Variants in KHNYN observed in about 807,000 individuals in gnomAD.
KHNYN encodes the protein KH and NYN domain containing, also known as protein KHNYN.
KHNYN carries 42 observed loss-of-function variants against 62.7 expected under a neutral mutation model. The ratio of observed to expected loss-of-function variants is 0.67; its 90% CI spans 0.52 to 0.87. The LOEUF is 0.87. Among genes scored for constraint, KHNYN ranks in the 40% least tolerant of loss-of-function variants. The pLI, the probability that KHNYN is intolerant of heterozygous loss-of-function variation, is 0.00. For missense variants in KHNYN, 829 were observed against 874.1 expected, an observed-to-expected ratio of 0.95 and a Z score of 0.65; for synonymous variants, 347 against 345.6, an observed-to-expected ratio of 1.00 and a Z score of -0.04.
chr14:24,428,709 C>CT, upstream of KHNYN: 2 of 1,524,656 alleles, frequency 1.3e-6, no homozygotes, highest in Non-Finnish European at 1.8e-6. Flanking sequence ...CTTCCAGGTC[C>CT]TTGCAGGGTC....
upstream of KHNYN, chr14:24,428,806 C>T (rs1221728773): frequency 1.2e-6 from 2 of 1,610,960 alleles, no homozygotes; most frequent in Non-Finnish European, 1.7e-6. Flanking sequence ...CCCCTGCTGG[C>T]TCATGGTGGT....
Position 24,438,161 on chromosome 14 carries a change from A to G in KHNYN, c.*876A>G, listed in dbSNP as rs978949575. ...CAGTAGGTAAATTAGGGATGACTGC[A>G]TTATCAAAATACTCTCAGGGTTCCT... On this transcript the variant is annotated 3_prime_UTR_variant, in exon 8 of 8. Coordinates refer to ENST00000553935, the MANE Select transcript of KHNYN (RefSeq NM_015299.3). 5 of 152,664 alleles carry G rather than the reference A, an allele frequency of 3.3e-5. No individual in the cohort carries two copies. Among genetic ancestry groups the G allele is most frequent in the Non-Finnish European group, 1.5e-5 (1 of 68,050 alleles). The allele number at this position is 152,664 out of a possible 1,614,324, so 9.5% of individuals were successfully genotyped here. A position where few individuals can be genotyped will look rare whatever the true frequency, so the allele number is the denominator to read the frequency against.
chr14:24,436,174 A>C lies in KHNYN; in HGVS notation c.1680A>C (p.Arg560Ser). 6.2e-7 allele frequency: 1 copy of C among 1,612,868 alleles called. No individual in the cohort carries two copies. The highest frequency in any genetic ancestry group is 8.5e-7 in the Non-Finnish European group (1 of 1,178,910). The change falls in exon 6 of 8, where the codon AGA becomes AGC. Residue 560 changes from arginine to serine, a missense_variant. By Grantham distance (110) the Arg-to-Ser change is moderately radical. Around this residue, in one of 2 missense-constraint regions of KHNYN, gnomAD observed 270 missense variants for 347.1 expected, o/e 0.78. Coordinates refer to ENST00000553935, the MANE Select transcript of KHNYN (RefSeq NM_015299.3). The stretch of plus-strand genomic sequence containing the variant: ...CTGAGAAGTGGATGGCAATCATCAG[A>C]GAACGGTGAGGGAGCCCTCCCGCTG... Reference protein sequence around the residue: ...EESEKWMAIIRERLLPFTFVG... With the variant: ...EESEKWMAIISERLLPFTFVG...
chr14:24,436,708 G>A (rs1289988548), intron 7 of KHNYN, among the ~76,000 whole-genome samples: 1 of 152,182 alleles, frequency 6.6e-6, no homozygotes, highest in Non-Finnish European at 1.5e-5. Context: ...CTCTTAATCA[G>A]CATGTTTGAT....
rs1220286354 is a variant in KHNYN at position 24,431,997 on chromosome 14, A to C, written c.736A>C (p.Arg246=). The C allele has an allele frequency of 6.2e-7, 1 of 1,610,936 alleles. No individual in the cohort carries two copies. Among genetic ancestry groups the C allele is most frequent in the East Asian group, 2.2e-5 (1 of 44,836 alleles). The change falls in exon 3 of 8, where the codon AGG becomes CGG. Residue 246 remains arginine, a synonymous_variant. Coordinates refer to ENST00000553935, the MANE Select transcript of KHNYN (RefSeq NM_015299.3). ...DTGSMGPGDC[R]GARGDTYAVE... The stretch of plus-strand genomic sequence containing the variant: ...TGGATCTATGGGACCCGGAGATTGC[A>C]GGGGAGCAAGGGGAGACACTTACGC...
At chr14:24,430,971 A>T in intron 2 of KHNYN, 40 bp downstream of exon 2, 1 of 1,573,288 alleles carries the variant, frequency 6.4e-7, no homozygotes, top group Non-Finnish European at 8.7e-7. Context: ...GGCACCAAGG[A>T]CGCTTTCCCC....
rs1487399565 is a variant in KHNYN, at chr14:24,441,740, A to G, written c.*4455A>G. The G allele has an allele frequency of 1.2e-6, 2 of 1,602,364 alleles. No homozygotes were observed. Among genetic ancestry groups the G allele is most frequent in the Non-Finnish European group, 1.7e-6 (2 of 1,176,716 alleles). On this transcript the variant is annotated 3_prime_UTR_variant, in exon 8 of 8. Coordinates refer to ENST00000553935, the MANE Select transcript of KHNYN (RefSeq NM_015299.3). ...GCTTTGGTGATGGCTTTAGCCAGCAATTGGGTGGTCTCTAGGCGGCTGCCG... is the reference window on the plus strand; with the variant it reads ...GCTTTGGTGATGGCTTTAGCCAGCAGTTGGGTGGTCTCTAGGCGGCTGCCG...
At chr14:24,428,824 G>A, upstream of KHNYN, 1 of 1,612,836 alleles carries the variant, frequency 6.2e-7, no homozygotes, top group Non-Finnish European at 8.5e-7. Flanking sequence ...GGTGGCTTCG[G>A]ACCGCAGCAA....
chr14:24,427,472 C>A, upstream of KHNYN: 1 of 318,966 alleles, frequency 3.1e-6, no homozygotes, highest in South Asian at 3.2e-5. This position sits in a 1 kb window ranked among gnomAD's most constrained non-coding sequence, Gnocchi z 4.4. Context: ...GGTGGGGGAA[C>A]CGGAGGAGCA....
chr14:24,435,659 T>C, intron 5 of KHNYN: 1 of 201,652 alleles, frequency 5.0e-6, no homozygotes, highest in Non-Finnish European at 1.0e-5. Flanking sequence ...ATCTTACTGT[T>C]TACTAACGAG....
At chr14:24,435,459 G>C (rs1246695873) in intron 5 of KHNYN, 4 of 153,030 alleles carry the variant, frequency 2.6e-5, no homozygotes, top group African/African-American at 9.7e-5. Flanking sequence ...GGAGACTGGA[G>C]GGTGGGTGAG....
upstream of KHNYN, chr14:24,427,695 G>A: frequency 8.8e-7 from 1 of 1,137,640 alleles, no homozygotes; most frequent in Admixed American, 1.8e-5. The surrounding 1 kb of genome is among the most constrained non-coding windows in gnomAD (Gnocchi z 4.4). Context: ...GGAGCCAGAG[G>A]GAGTCTCTCT....
chr14:24,424,789 C>T (rs1245012650), upstream of KHNYN, among the ~76,000 whole-genome samples: 1 of 152,204 alleles, frequency 6.6e-6, no homozygotes, highest in Admixed American at 6.5e-5. Flanking sequence ...GTGGATTCTT[C>T]CCCTCCAGTA....
chr14:24,425,973 T>C (rs1291619209), upstream of KHNYN, among the ~76,000 whole-genome samples: 1 of 152,230 alleles, frequency 6.6e-6, no homozygotes, highest in Non-Finnish European at 1.5e-5. Flanking sequence ...AAAACAAATG[T>C]ACCTTGCAAA....
chr14:24,428,745 G>C (rs1594749570), upstream of KHNYN: 28 of 1,571,962 alleles, frequency 1.8e-5, no homozygotes, highest in Non-Finnish European at 2.4e-5. Flanking sequence ...GACAGGGGTA[G>C]GGGGATTACC....
chr14:24,438,911 C>T lies in KHNYN; in HGVS notation c.*1626C>T, dbSNP rs10083382. Reference sequence around the variant, plus strand: ...GCACAGGGAGTTGAATACTGCATGGCGAGTGTAATGATGATGGGGAGGGTC... The same window carrying T: ...GCACAGGGAGTTGAATACTGCATGGTGAGTGTAATGATGATGGGGAGGGTC... On this transcript the variant is annotated 3_prime_UTR_variant, in exon 8 of 8. Transcript: ENST00000553935. 20,755 of 152,030 alleles carry T rather than the reference C, an allele frequency of 0.14. 2,832 individuals are homozygous for T. The highest frequency in any genetic ancestry group is 0.35 in the African/African-American group (14,422 of 41,332). 9.4% of individuals were successfully genotyped at this position (152,030 alleles called of 1,614,324 possible). A position where few individuals can be genotyped will look rare whatever the true frequency, so the allele number is the denominator to read the frequency against.
At chr14:24,425,886 C>T (rs1312097550), upstream of KHNYN, among the ~76,000 whole-genome samples, 1 of 152,198 alleles carries the variant, frequency 6.6e-6, no homozygotes, top group Non-Finnish European at 1.5e-5. Flanking sequence ...ATCTTTCATT[C>T]TTGGCACAGT....
Position 24,430,757 on chromosome 14 carries a change from G to A in KHNYN, c.27G>A (p.Ala9=). 1.3e-6 allele frequency: 2 copies of A among 1,581,252 alleles called. No homozygotes were observed. The highest frequency in any genetic ancestry group is 1.7e-6 in the Non-Finnish European group (2 of 1,163,592). Reference sequence around the variant, plus strand: ...TGCCTACCTGGGGGGCCCGCCCCGCGTCCCCAGATCGCTTTGCGGTGTCTG... The same window carrying A: ...TGCCTACCTGGGGGGCCCGCCCCGCATCCCCAGATCGCTTTGCGGTGTCTG... The part of the protein sequence containing the change: MPTWGARP[A]SPDRFAVSAE... Residue 9 remains alanine (A), a synonymous_variant, in exon 2 of 8, where the codon GCG becomes GCA. Coordinates refer to ENST00000553935, the MANE Select transcript of KHNYN (RefSeq NM_015299.3).
In KHNYN at chr14:24,437,334, A is replaced by C. The variant is rs200881912; in HGVS notation, c.*49A>C. 6.4e-7 allele frequency: 1 copy of C among 1,572,244 alleles called. No homozygotes were observed. Among genetic ancestry groups the C allele is most frequent in the Non-Finnish European group, 8.6e-7 (1 of 1,157,250 alleles). On this transcript the variant is annotated 3_prime_UTR_variant, in exon 8 of 8. Coordinates refer to ENST00000553935, the MANE Select transcript of KHNYN (RefSeq NM_015299.3). The surrounding 1 kb of genome is among the most constrained non-coding windows in gnomAD (Gnocchi z 5.5). ...CGCCCTGTCAGCTCCAGCCGCCTCC[A>C]GCTCAGCCCTTTCTGTGAGAGTCCC...
Sources: allele counts gnomAD v4.1 joint callset (sites outside exome capture counted in the v4.1 genomes callset), GRCh38; gene constraint gnomAD v4.1.1; regional missense constraint gnomAD v4.1.1; non-coding constraint Gnocchi (gnomAD v3.1); transcripts MANE v1.5; gene names NCBI Gene and HGNC (gene_info 2026-07-23, HGNC 2026-07-21).